Variants in FOCAD observed in about 807,000 individuals in gnomAD.
The protein encoded by FOCAD is focadhesin, also known as KIAA1797.
A neutral mutation model predicts 225.6 loss-of-function variants in FOCAD; 198 were observed. That is an observed-to-expected ratio of 0.88 (90% confidence interval 0.78 to 0.99). FOCAD has a LOEUF of 0.99. FOCAD is among the 50% of genes least tolerant of loss of function. FOCAD has a pLI of 0.00. For missense variants in FOCAD, 2,713 were observed against 2,123.6 expected (o/e 1.28, Z -5.46); for synonymous variants, 897 against 755.0 (o/e 1.19, Z -3.08).
chr9:20,791,286 C>T (rs544707445), intron 11 of FOCAD, among the ~76,000 whole-genome samples: 8 of 150,816 alleles, frequency 5.3e-5, no homozygotes, highest in Non-Finnish European at 8.9e-5. Context: ...CAGCATGATG[C>T]TTTAGATTGT....
At position 20,735,692 on chromosome 9, in the gene FOCAD, G is replaced by GT. The variant is rs111699762; in HGVS notation, c.288-4530dup. ...CATCATGCTTGGCTTATTTTTTAAGGTTTTTTTTTTTTTTGAAACGGGATC... is the reference window on the plus strand; with the variant it reads ...CATCATGCTTGGCTTATTTTTTAAGGTTTTTTTTTTTTTTTGAAACGGGATC... On this transcript the variant is annotated intron_variant, in intron 4 of 43. Coordinates refer to ENST00000338382, the MANE Select transcript of FOCAD (RefSeq NM_001375567.1). 2.7e-3 allele frequency among the ~76,000 whole-genome samples: 379 copies of GT among 141,268 alleles called. 1 individual carries two copies. Among genetic ancestry groups the GT allele is most frequent in the African/African-American group, 3.4e-3 (132 of 38,724 alleles). The allele number at this position is 141,268 out of a possible 152,430, so 92.7% of individuals were successfully genotyped here. A position where few individuals can be genotyped will look rare whatever the true frequency, so the allele number is the denominator to read the frequency against.
intron 15 of FOCAD, among the ~76,000 whole-genome samples, chr9:20,858,713 A>G (rs1472853046): frequency 6.6e-6 from 1 of 151,976 alleles, no homozygotes; most frequent in Admixed American, 6.6e-5. Context: ...TACTTTATTG[A>G]TGTAAGCACT....
At chr9:20,729,390 A>G (rs1826480684) in intron 4 of FOCAD, among the ~76,000 whole-genome samples, 1 of 152,182 alleles carries the variant, frequency 6.6e-6, no homozygotes, top group South Asian at 2.1e-4. Context: ...CCAATACAGT[A>G]TCCCTGTACT....
At position 20,893,221 on chromosome 9, in the gene FOCAD, A is replaced by G. The variant is rs566297064; in HGVS notation, c.2625+7991A>G. ...AAAGTATTTTAAAACTAAGGTATGT[A>G]CATTGTTTTTTTTAAATACATAATG... On this transcript the variant is annotated intron_variant, in intron 21 of 43. Coordinates refer to ENST00000338382, the MANE Select transcript of FOCAD (RefSeq NM_001375567.1). 1.4e-4 allele frequency among the ~76,000 whole-genome samples: 22 copies of G among 152,204 alleles called. No individual in the cohort carries two copies. The South Asian group carries it at 2.3e-3, about 16-fold the overall frequency.
At chr9:20,948,548 T>C (rs1368005371) in intron 31 of FOCAD, among the ~76,000 whole-genome samples, 155 bp downstream of exon 31, 1 of 152,226 alleles carries the variant, frequency 6.6e-6, no homozygotes, top group Non-Finnish European at 1.5e-5. Context: ...AAATCCCTTA[T>C]AAATAATGCA....
At chr9:20,847,391 G>A (rs986033342) in intron 15 of FOCAD, among the ~76,000 whole-genome samples, 1 of 151,746 alleles carries the variant, frequency 6.6e-6, no homozygotes, top group Non-Finnish European at 1.5e-5. Flanking sequence ...GCACGTTGTA[G>A]TATGTTAAGT....
At position 20,865,939 on chromosome 9, in the gene FOCAD, A is replaced by C; in HGVS notation, c.2069A>C (p.Gln690Pro). ...NTTEYENFKV[Q>P]VLSFLWTHTQ... ...TTAACTTTTCAGAATTTTAAAGTTC[A>C]AGTCCTCAGCTTCCTCTGGACTCAT... The change falls in exon 17 of 44, where the codon CAA becomes CCA. Residue 690 changes from glutamine (Q) to proline (P), a missense_variant. Transcript: ENST00000338382. The C allele has an allele frequency of 6.2e-7, 1 of 1,608,736 alleles. No homozygotes were observed. The highest frequency in any genetic ancestry group is 8.5e-7 in the Non-Finnish European group (1 of 1,177,482).
Position 20,988,364 on chromosome 9 carries a change from C to T in FOCAD, c.4939C>T (p.Leu1647=), listed in dbSNP as rs778168462. The T allele has an allele frequency of 2.0e-5, 32 of 1,611,660 alleles. 1 individual carries two copies. Among genetic ancestry groups the T allele is most frequent in the Non-Finnish European group, 2.6e-5 (31 of 1,178,676 alleles). ...GAAGAGAATGGAGTGGCTCTTGGAA[C>T]TGATGGGTTATATTAGAAATGTTGC... ...VLKRMEWLLE[L]MGYIRNVAYQ... Residue 1647 remains leucine (L), a synonymous_variant, in exon 41 of 44, where the codon CTG becomes TTG. Transcript: ENST00000338382.
Position 20,867,012 on chromosome 9 carries a change from G to T in FOCAD, c.2190G>T (p.Lys730Asn). The T allele has an allele frequency of 6.5e-7, 1 of 1,530,270 alleles. No homozygotes were observed. Among genetic ancestry groups the T allele is most frequent in the Non-Finnish European group, 8.9e-7 (1 of 1,129,470 alleles). The allele number at this position is 1,530,270 out of a possible 1,614,324, so 94.8% of individuals were successfully genotyped here. A position where few individuals can be genotyped will look rare whatever the true frequency, so the allele number is the denominator to read the frequency against. ...GEHTILHLPE[K>N]IRPEIPIPEE... Reference sequence around the variant, plus strand: ...ACACCATTCTTCATCTGCCTGAAAAGGTAGGCATATCTGCTTTCTCACTGG... The same window carrying T: ...ACACCATTCTTCATCTGCCTGAAAATGTAGGCATATCTGCTTTCTCACTGG... Residue 730 changes from lysine (K) to asparagine (N), a missense_variant and splice_region_variant, in exon 18 of 44, where the codon AAG (lysine) becomes AAT (asparagine). Lys to Asn is a moderately conservative substitution (Grantham distance 94). Transcript: ENST00000338382.
At chr9:20,683,475 T>TG, upstream of FOCAD, 1 of 152,302 alleles carries the variant, frequency 6.6e-6, no homozygotes, top group East Asian at 1.9e-4. Context: ...TTTTTTCTGC[T>TG]GGCTCTTTTC....
chr9:20,859,328 G>A (rs1692550388), intron 15 of FOCAD, among the ~76,000 whole-genome samples: 1 of 151,142 alleles, frequency 6.6e-6, no homozygotes, highest in Admixed American at 6.6e-5. Context: ...GTTGCAGTGA[G>A]CCAAGATTGC....
At chr9:20,964,119 A>G (rs1839029660) in intron 35 of FOCAD, among the ~76,000 whole-genome samples, 1 of 152,012 alleles carries the variant, frequency 6.6e-6, no homozygotes, top group Non-Finnish European at 1.5e-5. Context: ...TAATCCCAGC[A>G]CTTTGGGAAG....
At chr9:20,762,647 GTTAT>G (rs1204799292) in intron 6 of FOCAD, among the ~76,000 whole-genome samples, 1 of 152,098 alleles carries the variant, frequency 6.6e-6, no homozygotes, top group African/African-American at 2.4e-5. Context: ...GTTGTCAAGT[GTTAT>G]TTATTTTATT....
At position 20,990,168 on chromosome 9, in the gene FOCAD, T is replaced by G; in HGVS notation, c.5050T>G (p.Trp1684Gly). The change falls in exon 42 of 44, where the codon TGG (tryptophan) becomes GGG (glycine). Residue 1684 changes from tryptophan to glycine, a missense_variant. By Grantham distance (184) the Trp-to-Gly change is radical (BLOSUM62 -2). Coordinates refer to ENST00000338382, the MANE Select transcript of FOCAD (RefSeq NM_001375567.1). ...LLIFATAVVA[W>G]ADHTAPLLLG... is the part of the protein sequence containing the mutation. ...GATATTTGCAACCGCAGTGGTTGCA[T>G]GGGCTGACCACACTGCCCCTCTCCT... 6.2e-7 allele frequency: 1 copy of G among 1,614,196 alleles called. No individual in the cohort carries two copies. Among genetic ancestry groups the G allele is most frequent in the East Asian group, 2.2e-5 (1 of 44,876 alleles).
At chr9:20,838,479 A>G (rs953810617) in intron 15 of FOCAD, among the ~76,000 whole-genome samples, 1 of 152,084 alleles carries the variant, frequency 6.6e-6, no homozygotes, top group African/African-American at 2.4e-5. Context: ...TGCTTAAACA[A>G]TTTACGAGGT....
chr9:20,820,567 T>G, intron 13 of FOCAD, 142 bp downstream of exon 13: 1 of 634,366 alleles, frequency 1.6e-6, no homozygotes, highest in South Asian at 2.3e-5. Context: ...TTTTGATTTA[T>G]TGTGATGCAT....
intron 1 of FOCAD, among the ~76,000 whole-genome samples, chr9:20,713,518 T>A (rs1273985941): frequency 1.3e-5 from 2 of 152,114 alleles, no homozygotes; most frequent in Non-Finnish European, 2.9e-5. Context: ...TCTGCTTCAC[T>A]TTTTTTTAAT....
intron 21 of FOCAD, among the ~76,000 whole-genome samples, chr9:20,887,241 C>CT (rs930878535): frequency 7.9e-4 from 117 of 147,414 alleles, no homozygotes; most frequent in Middle Eastern, 7.0e-3. Flanking sequence ...TTTTCTTTCT[C>CT]TTTTTTTTTT....
In FOCAD at chr9:20,951,297, G is replaced by A. The variant is rs191627625; in HGVS notation, c.4051+199G>A. ...TCATGTGACAGTAAGTGATGGACAT[G>A]TGGTTTGAACTCAGATCTTTTGGCC... On this transcript the variant is annotated intron_variant, in intron 34 of 43. Transcript: ENST00000338382. 2.0e-5 allele frequency among the ~76,000 whole-genome samples: 3 copies of A among 152,306 alleles called. No homozygotes were observed. The East Asian group carries it at 5.8e-4, about 29-fold the overall frequency.
Sources: allele counts gnomAD v4.1 joint callset (sites outside exome capture counted in the v4.1 genomes callset), GRCh38; gene constraint gnomAD v4.1.1; transcripts MANE v1.5; gene names NCBI Gene and HGNC (gene_info 2026-07-23, HGNC 2026-07-21).